The following WIPI2 variants were observed in gnomAD, a reference collection of about 807,000 sequenced individuals.
The protein encoded by WIPI2 is WD repeat domain, phosphoinositide interacting 2.
In WIPI2, 28 loss-of-function variants were observed where a neutral mutation model predicts 52.3. The ratio of observed to expected loss-of-function variants is 0.54; its 90% CI spans 0.40 to 0.73. The LOEUF (loss-of-function observed/expected upper bound fraction) is 0.73. WIPI2 is among the 30% of genes least tolerant of loss of function. The pLI is 0.00. For missense variants in WIPI2, 506 were observed against 602.9 expected (o/e 0.84, Z 1.68); for synonymous variants, 268 against 245.0 (o/e 1.09, Z -0.88).
chr7:5,208,383 G>C (rs566449835), intron 3 of WIPI2, among the ~76,000 whole-genome samples: 1 of 150,250 alleles, frequency 6.7e-6, no homozygotes, highest in Admixed American at 6.6e-5. Context: ...CTTTCTTTGA[G>C]CAAATGGTTT....
Position 5,218,034 on chromosome 7 carries a change from G to A in WIPI2, c.669+20G>A. 1 of 1,613,304 alleles carries A rather than the reference G, an allele frequency of 6.2e-7. No individual in the cohort carries two copies. The highest frequency in any genetic ancestry group is 8.5e-7 in the Non-Finnish European group (1 of 1,179,262). On this transcript the variant is annotated intron_variant, in intron 7 of 12. Transcript: ENST00000288828. ...GAGAAGGTGAGTCTGCTTTTCCCCG[G>A]GGGAGCACTGGTGCCAAGGCGTCCA...
At chr7:5,222,835 G>A in intron 8 of WIPI2, 163 bp downstream of exon 8, 1 of 657,020 alleles carries the variant, frequency 1.5e-6, no homozygotes, top group Non-Finnish European at 2.6e-6. Flanking sequence ...CTTGTCATGG[G>A]AATTGAAGAG....
Position 5,231,873 on chromosome 7 carries a change from T to C in WIPI2, c.*926T>C. The stretch of plus-strand genomic sequence containing the variant: ...CCGCTGTCCGCAGGGGCTTCCTACC[T>C]GTGTGAGAGGTCGTAGCGGGAGACA... On this transcript the variant is annotated 3_prime_UTR_variant, in exon 13 of 13. Transcript: ENST00000288828. 1 of 255,442 alleles carries C rather than the reference T, an allele frequency of 3.9e-6. No individual in the cohort carries two copies. The highest frequency in any genetic ancestry group is 6.8e-5 in the East Asian group (1 of 14,678). The allele number at this position is 255,442 out of a possible 1,614,324, so 15.8% of individuals were successfully genotyped here.
intron 2 of WIPI2, among the ~76,000 whole-genome samples, chr7:5,197,118 C>CAAAAAAAAA (rs869261081): frequency 1.9e-4 from 8 of 41,426 alleles, no homozygotes; most frequent in African/African-American, 3.1e-4. Context: ...TCTCAAAAAA[C>CAAAAAAAAA]AAAAAAAAAA....
At chr7:5,195,292 G>A (rs1172745463) in intron 2 of WIPI2, among the ~76,000 whole-genome samples, 2 of 149,912 alleles carry the variant, frequency 1.3e-5, no homozygotes, top group African/African-American at 2.5e-5. Flanking sequence ...TTCAAGACCA[G>A]GTTGGGCAAC....
intron 7 of WIPI2, among the ~76,000 whole-genome samples, chr7:5,221,723 C>T (rs999535026): frequency 3.3e-5 from 5 of 152,132 alleles, no homozygotes; most frequent in African/African-American, 7.2e-5. Context: ...AGGCACATGC[C>T]GAGCTCCCTT....
intron 3 of WIPI2, among the ~76,000 whole-genome samples, chr7:5,213,897 G>A (rs770511206): frequency 9.2e-5 from 14 of 152,098 alleles, no homozygotes; most frequent in Admixed American, 1.3e-4. Context: ...ATGTTAGCCA[G>A]GATGGTCTTA....
At chr7:5,214,500 G>T (rs1782713194) in intron 3 of WIPI2, 35 bp from the exon 4 acceptor site, 1 of 1,614,090 alleles carries the variant, frequency 6.2e-7, no homozygotes, top group African/African-American at 1.3e-5. Flanking sequence ...GCCATGTGGA[G>T]ATGTTCACGC....
intron 2 of WIPI2, among the ~76,000 whole-genome samples, chr7:5,196,161 G>A (rs1276490267): frequency 6.6e-6 from 1 of 152,006 alleles, no homozygotes; most frequent in Non-Finnish European, 1.5e-5. Flanking sequence ...CCAACATGGT[G>A]AAACCCCATC....
chr7:5,222,474 C>G, intron 7 of WIPI2, 128 bp from the exon 8 acceptor site: 1 of 956,870 alleles, frequency 1.0e-6, no homozygotes, highest in Non-Finnish European at 1.7e-6. Context: ...GGACCCCAGA[C>G]TCCTTGGTGG....
intron 2 of WIPI2, among the ~76,000 whole-genome samples, chr7:5,198,370 G>C (rs1313791686): frequency 6.6e-6 from 1 of 151,204 alleles, no homozygotes; most frequent in Non-Finnish European, 1.5e-5. Context: ...CTGGAGTGCA[G>C]TGGCGCAATC....
intron 3 of WIPI2, among the ~76,000 whole-genome samples, chr7:5,206,036 A>AT (rs1782280413): frequency 1.3e-5 from 2 of 151,690 alleles, no homozygotes; most frequent in Admixed American, 1.3e-4. Context: ...CTTGTTTATG[A>AT]TTCTTTTCAC....
chr7:5,210,608 C>T (rs1396355710), intron 3 of WIPI2, among the ~76,000 whole-genome samples: 1 of 152,206 alleles, frequency 6.6e-6, no homozygotes, highest in African/African-American at 2.4e-5. Context: ...GGTGTAGGAT[C>T]TGCTGTTTGT....
intron 8 of WIPI2, among the ~76,000 whole-genome samples, chr7:5,224,770 T>C (rs1341623584): frequency 6.6e-6 from 1 of 152,086 alleles, no homozygotes; most frequent in East Asian, 1.9e-4. Context: ...AAGCAAACTT[T>C]CTCCCAAAGT....
rs191643610 is a variant in WIPI2, at chr7:5,216,554, C to G, written c.382-9C>G. The G allele has an allele frequency of 1.9e-6, 3 of 1,613,794 alleles. No homozygotes were observed. The highest frequency in any genetic ancestry group is 1.3e-5 in the African/African-American group (1 of 74,922). On this transcript the variant is annotated splice_polypyrimidine_tract_variant and intron_variant, in intron 4 of 12. Coordinates refer to ENST00000288828, the MANE Select transcript of WIPI2 (RefSeq NM_015610.4). ...CTTCACGTTTGGTTTCGTTTTGTCT[C>G]TCGCCTAGAGGCTGATAGTATGCCT...
intron 1 of WIPI2, chr7:5,190,749 C>T (rs1424948301): frequency 2.9e-6 from 1 of 350,274 alleles, no homozygotes; most frequent in Non-Finnish European, 5.1e-6. Flanking sequence ...CACCCTCTTG[C>T]GGGGAGGCCC....
intron 3 of WIPI2, among the ~76,000 whole-genome samples, chr7:5,212,864 C>G (rs1356710088): frequency 2.0e-5 from 3 of 152,238 alleles, no homozygotes; most frequent in African/African-American, 7.2e-5. Flanking sequence ...GCTGCCGTGA[C>G]TTAGTATCCA....
At chr7:5,229,511 G>A in intron 11 of WIPI2, 97 bp from the exon 12 acceptor site, 1 of 1,450,216 alleles carries the variant, frequency 6.9e-7, no homozygotes, top group East Asian at 2.5e-5. Context: ...TGTGGTGAGT[G>A]GTGTGCTGGC....
At chr7:5,195,686 C>G (rs1371261091) in intron 2 of WIPI2, among the ~76,000 whole-genome samples, 4 of 152,106 alleles carry the variant, frequency 2.6e-5, no homozygotes, top group Non-Finnish European at 4.4e-5. Context: ...GGGTGTTGAA[C>G]TTGATTGTTG....
Sources: allele counts gnomAD v4.1 joint callset (sites outside exome capture counted in the v4.1 genomes callset), GRCh38; gene constraint gnomAD v4.1.1; transcripts MANE v1.5; gene names NCBI Gene and HGNC (gene_info 2026-07-23, HGNC 2026-07-21).